ATXN1: variants seen among roughly 807,000 people sequenced by gnomAD.
ATXN1 encodes the protein ataxin 1.
A neutral mutation model predicts 56.4 loss-of-function variants in ATXN1; 8 were observed. The ratio of observed to expected loss-of-function variants is 0.14; its 90% CI spans 0.08 to 0.26. The LOEUF (loss-of-function observed/expected upper bound fraction) is 0.26, where lower values mean the gene tolerates loss of function less well. Among genes scored for constraint, ATXN1 ranks in the 10% least tolerant of loss-of-function variants. The pLI is 1.00. For missense variants in ATXN1, 987 were observed against 1,106.5 expected (o/e 0.89, Z 1.53); for synonymous variants, 514 against 494.6 (o/e 1.04, Z -0.52).
At chr6:16,666,237 T>C (rs534126295) in intron 2 of ATXN1, among the ~76,000 whole-genome samples, 4 of 152,324 alleles carry the variant, frequency 2.6e-5, no homozygotes, top group Non-Finnish European at 5.9e-5. Flanking sequence ...ATATGTGATA[T>C]TTGTCTTTCT....
intron 4 of ATXN1, among the ~76,000 whole-genome samples, chr6:16,538,556 A>G (rs866580711): frequency 7.9e-5 from 12 of 151,258 alleles, no homozygotes; most frequent in Admixed American, 2.6e-4. Context: ...AACATTAGGT[A>G]TATCTCCTAA....
At chr6:16,510,648 G>T (rs557396395) in intron 5 of ATXN1, among the ~76,000 whole-genome samples, 1 of 152,120 alleles carries the variant, frequency 6.6e-6, no homozygotes, top group African/African-American at 2.4e-5. Flanking sequence ...AAGGTGGGAG[G>T]ACTGCTTGAA....
chr6:16,498,521 A>T (rs1268676934), intron 5 of ATXN1, among the ~76,000 whole-genome samples: 1 of 152,172 alleles, frequency 6.6e-6, no homozygotes, highest in Non-Finnish European at 1.5e-5. Flanking sequence ...AGAACTACTG[A>T]GTCATATGTT....
At chr6:16,695,570 G>A (rs1016796830) in intron 2 of ATXN1, among the ~76,000 whole-genome samples, 3 of 152,208 alleles carry the variant, frequency 2.0e-5, no homozygotes, top group Non-Finnish European at 2.9e-5. Flanking sequence ...CTAGGACGGA[G>A]ACAGCTTCTG....
chr6:16,508,719 AT>A (rs1475156622), intron 5 of ATXN1, among the ~76,000 whole-genome samples: 3 of 152,232 alleles, frequency 2.0e-5, no homozygotes, highest in Non-Finnish European at 4.4e-5. Context: ...ACAGCAGTTC[AT>A]AAAAAATTTA....
intron 6 of ATXN1, among the ~76,000 whole-genome samples, chr6:16,398,187 C>T (rs1459238881): frequency 2.0e-5 from 3 of 152,124 alleles, no homozygotes; most frequent in Admixed American, 1.3e-4. Context: ...TTTACAAATA[C>T]GAACTCCACC....
At chr6:16,534,758 A>T (rs1388407639) in intron 4 of ATXN1, among the ~76,000 whole-genome samples, 1 of 152,148 alleles carries the variant, frequency 6.6e-6, no homozygotes, top group Non-Finnish European at 1.5e-5. Context: ...ATCCATAGAT[A>T]TTTAAGAGAC....
intron 1 of ATXN1, 74 bp downstream of exon 1, chr6:16,761,224 T>C (rs1761089352): frequency 1.8e-5 from 7 of 394,060 alleles, no homozygotes; most frequent in Non-Finnish European, 1.5e-5. Flanking sequence ...GGAGGGATTT[T>C]AATCTAAATA....
At chr6:16,757,170 T>C (rs940455664) in intron 1 of ATXN1, among the ~76,000 whole-genome samples, 7 of 152,226 alleles carry the variant, frequency 4.6e-5, no homozygotes, top group African/African-American at 1.4e-4. Flanking sequence ...TTCCTCTAAG[T>C]GTAAAAGACA....
intron 3 of ATXN1, among the ~76,000 whole-genome samples, chr6:16,606,524 T>G (rs868131393): frequency 0.082 from 1,270 of 15,414 alleles, 13 homozygotes; most frequent in East Asian, 0.19. Flanking sequence ...GTTTGTGGGT[T>G]TTTTTTTTTA....
intron 6 of ATXN1, among the ~76,000 whole-genome samples, chr6:16,447,016 C>G (rs1759649916): frequency 6.6e-6 from 1 of 152,182 alleles, no homozygotes; most frequent in African/African-American, 2.4e-5. Flanking sequence ...CCTAGACTCA[C>G]AAGCACTATT....
chr6:16,640,062 G>A (rs963368075), intron 3 of ATXN1, among the ~76,000 whole-genome samples: 1 of 152,008 alleles, frequency 6.6e-6, no homozygotes, highest in African/African-American at 2.4e-5. Context: ...TGCAGATACT[G>A]CATTTTTTTT....
At chr6:16,416,197 T>C (rs1042256860) in intron 6 of ATXN1, among the ~76,000 whole-genome samples, 1 of 151,944 alleles carries the variant, frequency 6.6e-6, no homozygotes, top group Non-Finnish European at 1.5e-5. Context: ...TGTCTATGAA[T>C]TGGAAAAAAA....
intron 3 of ATXN1, among the ~76,000 whole-genome samples, chr6:16,599,235 G>T (rs1416928584): frequency 6.6e-6 from 1 of 152,178 alleles, no homozygotes; most frequent in South Asian, 2.1e-4. Context: ...TCCAAGGTAT[G>T]AACCAAGAAA....
intron 6 of ATXN1, among the ~76,000 whole-genome samples, chr6:16,403,914 A>G (rs970554410): frequency 1.4e-4 from 16 of 110,812 alleles, no homozygotes; most frequent in African/African-American, 4.8e-4. Flanking sequence ...GATCTTTGGG[A>G]AAAAAAAAAA....
intron 6 of ATXN1, among the ~76,000 whole-genome samples, chr6:16,466,317 C>CAAAAAAAAA (rs200261208): frequency 8.8e-5 from 7 of 79,860 alleles, no homozygotes; most frequent in African/African-American, 2.0e-4. Context: ...GACCCCATCT[C>CAAAAAAAAA]AAAAAAAAAA....
chr6:16,494,741 C>T (rs994864726), intron 5 of ATXN1, among the ~76,000 whole-genome samples: 1 of 152,202 alleles, frequency 6.6e-6, no homozygotes, highest in Non-Finnish European at 1.5e-5. Context: ...AATACCCAAT[C>T]TGTGCTGAGC....
At chr6:16,584,443 A>C (rs573071976) in intron 4 of ATXN1, among the ~76,000 whole-genome samples, 2 of 152,066 alleles carry the variant, frequency 1.3e-5, no homozygotes, top group South Asian at 4.2e-4. Context: ...AAATGATTGT[A>C]TCTAGTGATT....
chr6:16,712,707 C>T (rs539886792), intron 2 of ATXN1, among the ~76,000 whole-genome samples: 163 of 136,210 alleles, frequency 1.2e-3, no homozygotes, highest in African/African-American at 4.2e-3. Flanking sequence ...CATATCCCTC[C>T]GTTTTTGCTT....
Sources: allele counts gnomAD v4.1 joint callset (sites outside exome capture counted in the v4.1 genomes callset), GRCh38; gene constraint gnomAD v4.1.1; transcripts MANE v1.5; gene names NCBI Gene and HGNC (gene_info 2026-07-23, HGNC 2026-07-21).